PCDHB10: variants seen among roughly 807,000 people sequenced by gnomAD.
PCDHB10 encodes the protein protocadherin beta-10.
For synonymous variants in PCDHB10, 448 were observed against 449.2 expected, an observed-to-expected ratio of 1.00 and a Z score of 0.04; for missense variants, 1,046 against 1,004.7, an observed-to-expected ratio of 1.04 and a Z score of -0.56.
Position 141,193,657 on chromosome 5 carries a change from AAG to A in PCDHB10, c.1107_1108del (p.Lys369AsnfsTer2). ...TCCTGAGACGCCGCTGGCTGTTTTTAAGATTAATGACAGAGACTCTGGAGAAA... is the reference window on the plus strand; with the variant it reads ...TCCTGAGACGCCGCTGGCTGTTTTTAATTAATGACAGAGACTCTGGAGAAA... ...NSPETPLAVFKINDRDSGENG... is the reference protein window; with the variant it reads ...NSPETPLAVFXINDRDSGENG... On this transcript the variant is annotated frameshift_variant, in exon 1 of 1. Coordinates refer to ENST00000239446, the MANE Select transcript of PCDHB10 (RefSeq NM_018930.4). LOFTEE classifies it low-confidence loss of function (END_TRUNC). The A allele has an allele frequency of 3.1e-6, 5 of 1,614,164 alleles. No individual in the cohort carries two copies. The highest frequency in any genetic ancestry group is 4.2e-6 in the Non-Finnish European group (5 of 1,180,040).
rs142281134 is a variant in PCDHB10, at chr5:141,193,285, G to A, written c.733G>A (p.Ala245Thr). 96 of 1,613,944 alleles carry A rather than the reference G, an allele frequency of 5.9e-5. No individual in the cohort carries two copies. The Admixed American group carries it at 6.0e-4, about 10-fold the overall frequency. Residue 245 changes from alanine to threonine, a missense_variant, in exon 1 of 1, where the codon GCT becomes ACT. Ala to Thr is a moderately conservative substitution (Grantham distance 58). Transcript: ENST00000239446. ...VNDNAPQFAQ[A>T]LYETQAPENS... is the part of the protein sequence containing the mutation. ...TGACAATGCCCCACAGTTTGCCCAGGCTCTGTATGAGACCCAGGCTCCAGA... is the reference window on the plus strand; with the variant it reads ...TGACAATGCCCCACAGTTTGCCCAGACTCTGTATGAGACCCAGGCTCCAGA...
chr5:141,194,473 G>A lies in PCDHB10; in HGVS notation c.1921G>A (p.Val641Met), dbSNP rs782602590. 3.1e-6 allele frequency: 5 copies of A among 1,596,998 alleles called. 1 individual carries two copies. In the Admixed American group the frequency reaches 8.6e-5, roughly 27 times the overall value. ...GCGCGACGCAGCCAAGCACAGGCTC[G>A]TGGTGCTTGTCAAGGACAATGGCGA... Reference protein sequence around the residue: ...SERDAAKHRLVVLVKDNGEPP... With the variant: ...SERDAAKHRLMVLVKDNGEPP... Residue 641 changes from valine to methionine, a missense_variant, in exon 1 of 1, where the codon GTG (valine) becomes ATG (methionine). Coordinates refer to ENST00000239446, the MANE Select transcript of PCDHB10 (RefSeq NM_018930.4).
chr5:141,195,189 C>G lies in PCDHB10; in HGVS notation c.*234C>G. The G allele has an allele frequency of 2.4e-6, 1 of 413,928 alleles. No homozygotes were observed. The highest frequency in any genetic ancestry group is 4.4e-6 in the Non-Finnish European group (1 of 227,108). The allele number at this position is 413,928 out of a possible 1,614,324, so 25.6% of individuals were successfully genotyped here. Reference sequence around the variant, plus strand: ...TAAGGTTTTAATTCTTTCCAACTGCCCAAGGAATTAATTACTATTATATCT... The same window carrying G: ...TAAGGTTTTAATTCTTTCCAACTGCGCAAGGAATTAATTACTATTATATCT... On this transcript the variant is annotated 3_prime_UTR_variant, in exon 1 of 1. Transcript: ENST00000239446.
At position 141,193,375 on chromosome 5, in the gene PCDHB10, G is replaced by T; in HGVS notation, c.823G>T (p.Ala275Ser). The T allele has an allele frequency of 6.2e-7, 1 of 1,614,182 alleles. No individual in the cohort carries two copies. The highest frequency in any genetic ancestry group is 8.5e-7 in the Non-Finnish European group (1 of 1,180,024). Residue 275 changes from alanine to serine, a missense_variant, in exon 1 of 1, where the codon GCG (alanine) becomes TCG (serine). Ala to Ser is a moderately conservative substitution (Grantham distance 99). Coordinates refer to ENST00000239446, the MANE Select transcript of PCDHB10 (RefSeq NM_018930.4). The stretch of plus-strand genomic sequence containing the variant: ...AGAAGATGTAGACTCTGGAGTCAAC[G>T]CGGAAGTATCCTATTCATTTTTTGA... The part of the protein sequence containing the change: ...WAEDVDSGVN[A>S]EVSYSFFDAS...
At position 141,193,776 on chromosome 5, in the gene PCDHB10, G is replaced by T. The variant is rs782350373; in HGVS notation, c.1224G>T (p.Ala408=). 2 of 1,613,868 alleles carry T rather than the reference G, an allele frequency of 1.2e-6. No individual in the cohort carries two copies. Among genetic ancestry groups the T allele is most frequent in the Admixed American group, 1.7e-5 (1 of 60,028 alleles). Residue 408 remains alanine (A), a synonymous_variant, in exon 1 of 1, where the codon GCG becomes GCT. Transcript: ENST00000239446. ...TTTACATCCTAATTACAGAAGGCGC[G>T]CTGGACAGAGAGATCAGAGCCGAGT... is the stretch of plus-strand genomic sequence containing the variant. The part of the protein sequence containing the change: ...ENFYILITEG[A]LDREIRAEYN...
chr5:141,192,905 G>A lies in PCDHB10; in HGVS notation c.353G>A (p.Arg118Gln), dbSNP rs782371575. 1 of 1,614,006 alleles carries A rather than the reference G, an allele frequency of 6.2e-7. No homozygotes were observed. The highest frequency in any genetic ancestry group is 1.3e-5 in the African/African-American group (1 of 74,968). The change falls in exon 1 of 1, where the codon CGG becomes CAG. Residue 118 changes from arginine (R) to glutamine (Q), a missense_variant. Arg to Gln is a conservative substitution (Grantham distance 43). Transcript: ENST00000239446. Reference protein sequence around the residue: ...ILMDDPFQIYRAELRVRDIND... With the variant: ...ILMDDPFQIYQAELRVRDIND... ...ATGGATGATCCCTTTCAGATTTACC[G>A]GGCTGAGCTGAGAGTCAGGGATATA...
In PCDHB10 at chr5:141,193,043, T is replaced by C; in HGVS notation, c.491T>C (p.Leu164Pro). 1 of 1,614,188 alleles carries C rather than the reference T, an allele frequency of 6.2e-7. No homozygotes were observed. Among genetic ancestry groups the C allele is most frequent in the Non-Finnish European group, 8.5e-7 (1 of 1,180,048 alleles). Reference sequence around the variant, plus strand: ...AGAGCACAGGATCCAGATGGAGGACTTAACGGTATCCAAAACTACACGATC... The same window carrying C: ...AGAGCACAGGATCCAGATGGAGGACCTAACGGTATCCAAAACTACACGATC... ...LERAQDPDGG[L>P]NGIQNYTISP... is the part of the protein sequence containing the mutation. The change falls in exon 1 of 1, where the codon CTT becomes CCT. Residue 164 changes from leucine to proline, a missense_variant. Leu to Pro is a moderately conservative substitution (Grantham distance 98, BLOSUM62 -3). Coordinates refer to ENST00000239446, the MANE Select transcript of PCDHB10 (RefSeq NM_018930.4).
In PCDHB10 at chr5:141,194,736, G is replaced by A. The variant is rs782502709; in HGVS notation, c.2184G>A (p.Ser728=). The A allele has an allele frequency of 6.2e-7, 1 of 1,612,712 alleles. No individual in the cohort carries two copies. The highest frequency in any genetic ancestry group is 2.2e-5 in the East Asian group (1 of 44,792). ...GGGCGGCCTCGGTGGGTCGCTGCTC[G>A]GTGCCCGAGGGTCCTTTTCCAGGGC... ...RSRAASVGRC[S]VPEGPFPGHL... Residue 728 remains serine, a synonymous_variant, in exon 1 of 1, where the codon TCG becomes TCA. Coordinates refer to ENST00000239446, the MANE Select transcript of PCDHB10 (RefSeq NM_018930.4).
Position 141,195,126 on chromosome 5 carries a change from G to A in PCDHB10, c.*171G>A, listed in dbSNP as rs1299300956. The stretch of plus-strand genomic sequence containing the variant: ...ATTTTTTTGCATTAATAACAACTGG[G>A]TTTAATTTAATGAGTATTTTTTTCT... On this transcript the variant is annotated 3_prime_UTR_variant, in exon 1 of 1. Coordinates refer to ENST00000239446, the MANE Select transcript of PCDHB10 (RefSeq NM_018930.4). The A allele has an allele frequency of 1.6e-6, 1 of 641,960 alleles. No individual in the cohort carries two copies. The highest frequency in any genetic ancestry group is 3.1e-5 in the East Asian group (1 of 32,108). 39.8% of individuals were successfully genotyped at this position (641,960 alleles called of 1,614,324 possible).
In PCDHB10 at chr5:141,194,728, C is replaced by T. The variant is rs377233818; in HGVS notation, c.2176C>T (p.Arg726Cys). The T allele has an allele frequency of 1.9e-6, 3 of 1,611,882 alleles. No homozygotes were observed. Among genetic ancestry groups the T allele is most frequent in the Non-Finnish European group, 2.5e-6 (3 of 1,179,842 alleles). ...GAGGAGCAGGGCGGCCTCGGTGGGT[C>T]GCTGCTCGGTGCCCGAGGGTCCTTT... The part of the protein sequence containing the change: ...CRRSRAASVG[R>C]CSVPEGPFPG... Residue 726 changes from arginine to cysteine, a missense_variant, in exon 1 of 1, where the codon CGC (arginine) becomes TGC (cysteine). Physicochemically the swap from Arg to Cys is radical, Grantham distance 180. Transcript: ENST00000239446.
rs1275433297 is a variant in PCDHB10 at position 141,195,611 on chromosome 5, A to G, written c.*656A>G. On this transcript the variant is annotated 3_prime_UTR_variant, in exon 1 of 1. Coordinates refer to ENST00000239446, the MANE Select transcript of PCDHB10 (RefSeq NM_018930.4). ...AAATAAAATTATAATCTGCCTGAAA[A>G]TGAATAAAAATAAAACATTTTGAAA... is the stretch of plus-strand genomic sequence containing the variant. 1.2e-5 allele frequency: 2 copies of G among 166,118 alleles called. No individual in the cohort carries two copies. Among genetic ancestry groups the G allele is most frequent in the African/African-American group, 2.4e-5 (1 of 41,428 alleles). The allele number at this position is 166,118 out of a possible 1,614,324, so 10.3% of individuals were successfully genotyped here. A position where few individuals can be genotyped will look rare whatever the true frequency, so the allele number is the denominator to read the frequency against.
chr5:141,192,909 T>A lies in PCDHB10; in HGVS notation c.357T>A (p.Ala119=). ...ATGATCCCTTTCAGATTTACCGGGC[T>A]GAGCTGAGAGTCAGGGATATAAATG... ...LMDDPFQIYR[A]ELRVRDINDH... The change falls in exon 1 of 1, where the codon GCT becomes GCA. Residue 119 remains alanine (A), a synonymous_variant. Coordinates refer to ENST00000239446, the MANE Select transcript of PCDHB10 (RefSeq NM_018930.4). 2 of 1,614,048 alleles carry A rather than the reference T, an allele frequency of 1.2e-6. No individual in the cohort carries two copies. The highest frequency in any genetic ancestry group is 1.7e-6 in the Non-Finnish European group (2 of 1,180,022).
rs144530343 is a variant in PCDHB10, at chr5:141,193,888, G to C, written c.1336G>C (p.Asp446His). 102 of 1,613,610 alleles carry C rather than the reference G, an allele frequency of 6.3e-5. No homozygotes were observed. The highest frequency in any genetic ancestry group is 8.5e-5 in the Non-Finnish European group (100 of 1,179,986). The change falls in exon 1 of 1, where the codon GAC (aspartate) becomes CAC (histidine). Residue 446 changes from aspartate to histidine, a missense_variant. Coordinates refer to ENST00000239446, the MANE Select transcript of PCDHB10 (RefSeq NM_018930.4). ...AACGGTCCTGGTCTCCGACGTCAAT[G>C]ACAACGCCCCCGCCTTCACCCAAAC... ...NITVLVSDVN[D>H]NAPAFTQTSY...
chr5:141,193,679 G>C lies in PCDHB10; in HGVS notation c.1127G>C (p.Gly376Ala), dbSNP rs782365470. Reference sequence around the variant, plus strand: ...TTTAAGATTAATGACAGAGACTCTGGAGAAAATGGAAAGATGGTTTGCTAC... The same window carrying C: ...TTTAAGATTAATGACAGAGACTCTGCAGAAAATGGAAAGATGGTTTGCTAC... ...AVFKINDRDS[G>A]ENGKMVCYIQ... Residue 376 changes from glycine (G) to alanine (A), a missense_variant, in exon 1 of 1, where the codon GGA becomes GCA. Coordinates refer to ENST00000239446, the MANE Select transcript of PCDHB10 (RefSeq NM_018930.4). The C allele has an allele frequency of 1.1e-5, 18 of 1,613,992 alleles. No individual in the cohort carries two copies. The African/African-American group carries it at 1.3e-4, about 12-fold the overall frequency.
In PCDHB10 at chr5:141,192,404, A is replaced by C; in HGVS notation, c.-149A>C. ...GAAGACACGGACAGATGAACTTAAA[A>C]GAGAAGCTTTAGCTGCCAAAGATTG... is the stretch of plus-strand genomic sequence containing the variant. On this transcript the variant is annotated 5_prime_UTR_variant, in exon 1 of 1. Coordinates refer to ENST00000239446, the MANE Select transcript of PCDHB10 (RefSeq NM_018930.4). The C allele has an allele frequency of 1.0e-6, 1 of 982,130 alleles. No individual in the cohort carries two copies. Among genetic ancestry groups the C allele is most frequent in the Non-Finnish European group, 1.5e-6 (1 of 659,398 alleles). The allele number at this position is 982,130 out of a possible 1,614,324, so 60.8% of individuals were successfully genotyped here. A position where few individuals can be genotyped will look rare whatever the true frequency, so the allele number is the denominator to read the frequency against.
In PCDHB10 at chr5:141,194,056, T is replaced by C. The variant is rs1753983783; in HGVS notation, c.1504T>C (p.Ser502Pro). ...CCAAGACCCGCACCTGCCCCTCGCC[T>C]CCCTGGTCTCCATCAACGCGGACAA... ...PPQDPHLPLA[S>P]LVSINADNGH... is the part of the protein sequence containing the mutation. The change falls in exon 1 of 1, where the codon TCC becomes CCC. Residue 502 changes from serine to proline, a missense_variant. Ser to Pro is a moderately conservative substitution (Grantham distance 74). Transcript: ENST00000239446. 1 of 1,607,050 alleles carries C rather than the reference T, an allele frequency of 6.2e-7. No homozygotes were observed.
At position 141,195,033 on chromosome 5, in the gene PCDHB10, TAA is replaced by T. The variant is rs536913516; in HGVS notation, c.*79_*80del. 10 of 1,420,046 alleles carry T rather than the reference TAA, an allele frequency of 7.0e-6. No homozygotes were observed. The East Asian group carries it at 2.3e-4, about 33-fold the overall frequency. The allele number at this position is 1,420,046 out of a possible 1,614,324, so 88.0% of individuals were successfully genotyped here. ...TTAGTTTACTTTTAAATCTCAAATT[TAA>T]GTTATTATGCAACTTCAAGCATTAT... On this transcript the variant is annotated 3_prime_UTR_variant, in exon 1 of 1. Coordinates refer to ENST00000239446, the MANE Select transcript of PCDHB10 (RefSeq NM_018930.4).
rs369644034 is a variant in PCDHB10 at position 141,192,796 on chromosome 5, G to A, written c.244G>A (p.Gly82Arg). 108 of 1,608,254 alleles carry A rather than the reference G, an allele frequency of 6.7e-5. No homozygotes were observed. Among genetic ancestry groups the A allele is most frequent in the Middle Eastern group, 1.7e-4 (1 of 6,034 alleles). Residue 82 changes from glycine to arginine, a missense_variant, in exon 1 of 1, where the codon GGG becomes AGG. Transcript: ENST00000239446. ...ATACCTGCTCCTGGATTCACATACC[G>A]GGAATTTGCTCACAAATGAGAAACT... ...KQYLLLDSHT[G>R]NLLTNEKLDR...
chr5:141,192,764 A>G lies in PCDHB10; in HGVS notation c.212A>G (p.Asn71Ser). 2 of 1,608,226 alleles carry G rather than the reference A, an allele frequency of 1.2e-6. No individual in the cohort carries two copies. The highest frequency in any genetic ancestry group is 1.7e-6 in the Non-Finnish European group (2 of 1,176,120). Residue 71 changes from asparagine (N) to serine (S), a missense_variant, in exon 1 of 1, where the codon AAC (asparagine) becomes AGC (serine). By Grantham distance (46) the Asn-to-Ser change is conservative. Transcript: ENST00000239446. ...ARGTRVVSDD[N>S]KQYLLLDSHT... ...GGAACCAGGGTGGTTTCCGATGATAACAAACAATACCTGCTCCTGGATTCA... is the reference window on the plus strand; with the variant it reads ...GGAACCAGGGTGGTTTCCGATGATAGCAAACAATACCTGCTCCTGGATTCA...
Sources: allele counts gnomAD v4.1 joint callset, GRCh38; gene constraint gnomAD v4.1.1; transcripts MANE v1.5; gene names NCBI Gene and HGNC (gene_info 2026-07-23, HGNC 2026-07-21).